PCDH11X: variants seen among roughly 807,000 people sequenced by gnomAD.
PCDH11X encodes protocadherin 11 X-linked, also known as protocadherin-11 X-linked.
A neutral mutation model predicts 53.3 loss-of-function variants in PCDH11X; 18 were observed. That is an observed-to-expected ratio of 0.34 (90% confidence interval 0.23 to 0.50). PCDH11X has a LOEUF of 0.50. PCDH11X is among the 20% of genes least tolerant of loss of function. The pLI is 0.98. For missense variants in PCDH11X, 570 were observed against 1,032.4 expected (o/e 0.55, Z 6.14); for synonymous variants, 279 against 393.3 (o/e 0.71, Z 3.44).
chrX:92,445,808 A>C (rs2072628806), intron 9 of PCDH11X, among the ~76,000 whole-genome samples: 1 of 110,916 alleles, frequency 9.0e-6, no homozygotes, highest in African/African-American at 3.3e-5. Context: ...ACACTGCTGA[A>C]AAAATATATA....
At chrX:92,304,610 T>C (rs2068787770) in intron 8 of PCDH11X, among the ~76,000 whole-genome samples, 1 of 111,747 alleles carries the variant, frequency 8.9e-6, no homozygotes, top group East Asian at 2.8e-4. Flanking sequence ...CCTTAGGGAA[T>C]ATCTAGCTTG....
intron 6 of PCDH11X, among the ~76,000 whole-genome samples, chrX:92,016,871 C>T (rs1184290526): frequency 2.7e-5 from 3 of 109,840 alleles, no homozygotes; most frequent in Non-Finnish European, 5.7e-5. Flanking sequence ...TTCTGCCTAT[C>T]TTGGCTTTTG....
intron 9 of PCDH11X, among the ~76,000 whole-genome samples, chrX:92,446,620 G>A (rs1488319971): frequency 5.4e-5 from 6 of 111,609 alleles, no homozygotes; most frequent in Non-Finnish European, 1.1e-4. Context: ...CCAGCCATGT[G>A]GAACTGTAAG....
chrX:92,039,250 C>G (rs1315742414), intron 6 of PCDH11X, among the ~76,000 whole-genome samples: 2 of 111,183 alleles, frequency 1.8e-5, no homozygotes, highest in African/African-American at 6.5e-5. Flanking sequence ...CCCTAGGGCT[C>G]TACAATCAGC....
intron 8 of PCDH11X, among the ~76,000 whole-genome samples, chrX:92,326,127 C>G (rs1201008034): frequency 9.0e-6 from 1 of 110,591 alleles, no homozygotes; most frequent in Admixed American, 9.7e-5. Context: ...AGTAGCTTAG[C>G]AGGAAGTTCT....
Position 92,175,913 on chromosome X carries a change from C to T in PCDH11X, c.3034-25462C>T, listed in dbSNP as rs188715654. ...TTTCTAATCTATAATTCCATGAAGG[C>T]GAGTTATCCAGATTGATTTCCTCTT... On this transcript the variant is annotated intron_variant, in intron 6 of 10. Transcript: ENST00000682573. 5.8e-4 allele frequency among the ~76,000 whole-genome samples: 64 copies of T among 109,434 alleles called. No individual in the cohort carries two copies. In the Middle Eastern group the frequency reaches 0.019, roughly 32 times the overall value.
chrX:91,858,807 A>G (rs1199917268), intron 5 of PCDH11X, among the ~76,000 whole-genome samples: 2 of 110,801 alleles, frequency 1.8e-5, no homozygotes, highest in Non-Finnish European at 3.8e-5. Flanking sequence ...CCATTTCACT[A>G]TCAACATTTT....
chrX:92,448,811 G>T (rs144852639), intron 9 of PCDH11X, among the ~76,000 whole-genome samples: 1 of 111,023 alleles, frequency 9.0e-6, no homozygotes, highest in Non-Finnish European at 1.9e-5. Context: ...ATGTGGTTTC[G>T]ATAGTTTTCA....
intron 10 of PCDH11X, among the ~76,000 whole-genome samples, chrX:92,538,943 T>C (rs1476338387): frequency 3.6e-5 from 3 of 82,915 alleles, no homozygotes; most frequent in Non-Finnish European, 4.7e-5. Context: ...GTTTAGCATT[T>C]CGTGTAAGAC....
At chrX:91,887,796 T>C (rs1194707427) in intron 6 of PCDH11X, among the ~76,000 whole-genome samples, 1 of 111,040 alleles carries the variant, frequency 9.0e-6, no homozygotes, top group Non-Finnish European at 1.9e-5. Flanking sequence ...ACATATTGTT[T>C]ATTTTTATAG....
chrX:91,797,581 A>T (rs1602843482), intron 1 of PCDH11X, among the ~76,000 whole-genome samples: 1 of 110,689 alleles, frequency 9.0e-6, no homozygotes, highest in East Asian at 2.9e-4. Context: ...ACTAAATAAC[A>T]TTTGTTTGAA....
intron 9 of PCDH11X, among the ~76,000 whole-genome samples, chrX:92,439,606 C>A (rs1722696115): frequency 9.1e-6 from 1 of 110,171 alleles, no homozygotes. Flanking sequence ...AAGACATAAA[C>A]TATTTAAATA....
intron 6 of PCDH11X, among the ~76,000 whole-genome samples, chrX:92,121,981 GTTTTT>G (rs746833949): frequency 1.2e-4 from 8 of 69,459 alleles, no homozygotes; most frequent in African/African-American, 4.3e-4. Flanking sequence ...AGTCATTTCT[GTTTTT>G]TTTTTTTTTT....
At chrX:92,015,179 G>C (rs768778566) in intron 6 of PCDH11X, among the ~76,000 whole-genome samples, 3 of 111,351 alleles carry the variant, frequency 2.7e-5, no homozygotes, top group African/African-American at 6.5e-5. Context: ...TTTTTTTAAA[G>C]AAAGAAAATG....
chrX:92,553,959 G>A (rs993811921), intron 10 of PCDH11X, among the ~76,000 whole-genome samples: 3 of 111,160 alleles, frequency 2.7e-5, no homozygotes, highest in African/African-American at 9.8e-5. Context: ...TCCATTATGG[G>A]AAAATATTCT....
chrX:92,151,110 T>A (rs756757404), intron 6 of PCDH11X, among the ~76,000 whole-genome samples: 1 of 109,965 alleles, frequency 9.1e-6, no homozygotes, highest in East Asian at 2.8e-4. Context: ...AGCTCTAAAT[T>A]TTTTTTATAT....
rs1362729829 is a variant in PCDH11X at position 91,836,032 on chromosome X, C to T, written c.528C>T (p.Tyr176=). 7 of 1,207,847 alleles carry T rather than the reference C, an allele frequency of 5.8e-6. No homozygotes were observed. The Admixed American group carries it at 6.6e-5, about 11-fold the overall frequency. Residue 176 remains tyrosine, a synonymous_variant, in exon 5 of 11, where the codon TAC becomes TAT. Transcript: ENST00000682573. ...TAGGAATAAACGGAGTTCAAAACTA[C>T]GAACTAATTAAGGTGCGTTTTAAAA... ...PDVGINGVQN[Y]ELIKSQNIFG... is the part of the protein sequence containing the mutation.
At chrX:92,412,074 G>A (rs1384784166) in intron 9 of PCDH11X, among the ~76,000 whole-genome samples, 3 of 81,789 alleles carry the variant, frequency 3.7e-5, no homozygotes, top group Non-Finnish European at 6.5e-5. Flanking sequence ...GGAAGAGGAG[G>A]AGGAGGAGGA....
At chrX:92,607,148 C>G in intron 10 of PCDH11X, among the ~76,000 whole-genome samples, 1 of 108,893 alleles carries the variant, frequency 9.2e-6, no homozygotes, top group East Asian at 2.9e-4. Context: ...GGTGTAAGAC[C>G]CAGCACACAA....
Sources: gnomAD v4.1 joint callset for allele counts (sites outside exome capture counted in the v4.1 genomes callset) on GRCh38, gnomAD v4.1.1 for gene constraint, MANE v1.5 for transcripts, NCBI Gene and HGNC (gene_info 2026-07-23, HGNC 2026-07-21) for gene names.